The following KCNK10 variants were observed in gnomAD, a reference collection of about 807,000 sequenced individuals.
The protein encoded by KCNK10 is potassium channel subfamily K member 10.
A neutral mutation model predicts 47.7 loss-of-function variants in KCNK10; 25 were observed. That is an observed-to-expected ratio of 0.52 (90% confidence interval 0.38 to 0.73). The LOEUF is 0.73. Among genes scored for constraint, KCNK10 ranks in the 30% least tolerant of loss-of-function variants. KCNK10 has a pLI of 0.00. For synonymous variants in KCNK10, 303 were observed against 285.6 expected (o/e 1.06, Z -0.61); for missense variants, 563 against 714.5 (o/e 0.79, Z 2.42).
chr14:88,276,881 G>A (rs150013912), intron 1 of KCNK10, among the ~76,000 whole-genome samples: 1 of 152,334 alleles, frequency 6.6e-6, no homozygotes, highest in African/African-American at 2.4e-5. Flanking sequence ...ACATCCAAGT[G>A]TACCTCCCTA....
intron 3 of KCNK10, among the ~76,000 whole-genome samples, chr14:88,239,336 G>C (rs1224146425): frequency 6.6e-6 from 1 of 152,160 alleles, no homozygotes; most frequent in East Asian, 1.9e-4. Context: ...GAGATGCTAA[G>C]TTCACTGACT....
chr14:88,290,010 A>G (rs773921458), intron 1 of KCNK10, among the ~76,000 whole-genome samples: 2 of 152,202 alleles, frequency 1.3e-5, no homozygotes, highest in South Asian at 2.1e-4. Flanking sequence ...ACAACTTTTT[A>G]AATAATTGGT....
In KCNK10 at chr14:88,185,389, T is replaced by C. The variant is rs1357504568; in HGVS notation, c.*146A>G. 1.0e-5 allele frequency: 12 copies of C among 1,176,770 alleles called. No homozygotes were observed. Among genetic ancestry groups the C allele is most frequent in the Non-Finnish European group, 1.4e-5 (12 of 859,064 alleles). 72.9% of individuals were successfully genotyped at this position (1,176,770 alleles called of 1,614,324 possible). ...TCCTTTTGGCAGAGCAAGCTTTCAG[T>C]TGTTTATGGCACAGTGAAATATATT... On this transcript the variant is annotated 3_prime_UTR_variant, in exon 7 of 7. Coordinates refer to ENST00000319231, the MANE Select transcript of KCNK10 (RefSeq NM_138317.3). This position sits in a 1 kb window ranked among gnomAD's most constrained non-coding sequence, Gnocchi z 4.3.
In KCNK10 at chr14:88,322,262, C is replaced by T. The variant is rs1391449996; in HGVS notation, c.52+485G>A. ...GCATGCCCTGCGAGAACGGCCCACC[C>T]CTAGGGACGGCTGCTGCAACTCGAG... On this transcript the variant is annotated intron_variant, in intron 1 of 6. Coordinates refer to ENST00000319231, the MANE Select transcript of KCNK10 (RefSeq NM_138317.3). This position sits in a 1 kb window ranked among gnomAD's most constrained non-coding sequence, Gnocchi z 4.8. Among the ~76,000 whole-genome samples, 1 of 152,178 alleles carries T rather than the reference C, an allele frequency of 6.6e-6. No individual in the cohort carries two copies. Among genetic ancestry groups the T allele is most frequent in the African/African-American group, 2.4e-5 (1 of 41,422 alleles).
chr14:88,186,239 C>T lies in KCNK10; in HGVS notation c.1012-84G>A. The stretch of plus-strand genomic sequence containing the variant: ...CCAGCACCCACAGCCCTCGGGTGTC[C>T]CCACGGGGAGGCCAGGAGGTGACGG... On this transcript the variant is annotated intron_variant, in intron 6 of 6. Coordinates refer to ENST00000319231, the MANE Select transcript of KCNK10 (RefSeq NM_138317.3). The surrounding 1 kb of genome is among the most constrained non-coding windows in gnomAD (Gnocchi z 5.5). 3 of 1,452,650 alleles carry T rather than the reference C, an allele frequency of 2.1e-6. No homozygotes were observed. Among genetic ancestry groups the T allele is most frequent in the Non-Finnish European group, 1.8e-6 (2 of 1,094,652 alleles). The allele number at this position is 1,452,650 out of a possible 1,614,324, so 90.0% of individuals were successfully genotyped here. A position where few individuals can be genotyped will look rare whatever the true frequency, so the allele number is the denominator to read the frequency against.
chr14:88,301,497 G>C (rs75158629), intron 1 of KCNK10, among the ~76,000 whole-genome samples: 1 of 151,922 alleles, frequency 6.6e-6, no homozygotes, highest in Non-Finnish European at 1.5e-5. Flanking sequence ...TTAGAGGCAT[G>C]ATGCAGAGAC....
At position 88,259,685 on chromosome 14, in the gene KCNK10, G is replaced by A. The variant is rs370989436; in HGVS notation, c.402+3517C>T. Among the ~76,000 whole-genome samples the A allele has an allele frequency of 2.6e-5, 4 of 152,312 alleles. No individual in the cohort carries two copies. The East Asian group carries it at 7.7e-4, about 29-fold the overall frequency. On this transcript the variant is annotated intron_variant, in intron 2 of 6. Coordinates refer to ENST00000319231, the MANE Select transcript of KCNK10 (RefSeq NM_138317.3). ...TTGTCCAGACTGGTCTCGAACTGCT[G>A]GGCTCAAGCAATCCATCCGCCTTGG...
intron 1 of KCNK10, among the ~76,000 whole-genome samples, chr14:88,287,294 T>A (rs1034385479): frequency 6.6e-6 from 1 of 152,230 alleles, no homozygotes; most frequent in African/African-American, 2.4e-5. Context: ...CCATCAATTA[T>A]CATCAATTAG....
chr14:88,301,652 G>GAAA (rs36032285), intron 1 of KCNK10, among the ~76,000 whole-genome samples: 1,685 of 145,830 alleles, frequency 0.012, 24 homozygotes, highest in East Asian at 0.039. Flanking sequence ...AATCCTAGGA[G>GAAA]AAAAAAAAAA....
chr14:88,246,264 G>GAAAAAAAAAAAA (rs35102974), intron 2 of KCNK10, among the ~76,000 whole-genome samples: 1 of 55,338 alleles, frequency 1.8e-5, no homozygotes, highest in African/African-American at 7.7e-5. Flanking sequence ...CTCCGTCTCA[G>GAAAAAAAAAAAA]AAAAAAAAAA....
chr14:88,248,400 T>C (rs1445208232), intron 2 of KCNK10, among the ~76,000 whole-genome samples: 1 of 152,192 alleles, frequency 6.6e-6, no homozygotes. Context: ...GGGCTCTTTG[T>C]TGCTTTTGAG....
At chr14:88,243,440 T>G (rs1595100953) in intron 2 of KCNK10, among the ~76,000 whole-genome samples, 1 of 152,226 alleles carries the variant, frequency 6.6e-6, no homozygotes, top group African/African-American at 2.4e-5. Context: ...TGGTTTTGCC[T>G]TTCCTCTACC....
chr14:88,241,037 G>A (rs368331382), intron 2 of KCNK10, among the ~76,000 whole-genome samples: 22 of 152,296 alleles, frequency 1.4e-4, no homozygotes, highest in African/African-American at 1.9e-4. Context: ...GGGGGGAAAC[G>A]CTAGGGTATA....
intron 4 of KCNK10, among the ~76,000 whole-genome samples, chr14:88,208,061 C>T (rs914532054): frequency 2.6e-5 from 4 of 152,230 alleles, no homozygotes; most frequent in East Asian, 3.8e-4. Context: ...TCCCCAAACA[C>T]GATCACCAAG....
intron 4 of KCNK10, among the ~76,000 whole-genome samples, chr14:88,220,278 G>T (rs548700886): frequency 6.7e-6 from 1 of 149,990 alleles, no homozygotes; most frequent in South Asian, 2.1e-4. Context: ...TTAGCCGGGC[G>T]TAGTGGCGGG....
intron 1 of KCNK10, among the ~76,000 whole-genome samples, chr14:88,304,831 T>C (rs1369241726): frequency 6.6e-6 from 1 of 152,142 alleles, no homozygotes; most frequent in Non-Finnish European, 1.5e-5. Context: ...TGCTAACAAA[T>C]CAACAGTATA....
intron 5 of KCNK10, 99 bp from the exon 6 acceptor site, chr14:88,188,208 G>A (rs571579648): frequency 1.4e-5 from 19 of 1,373,154 alleles, no homozygotes; most frequent in Middle Eastern, 1.8e-4. Context: ...ATCCATCATT[G>A]TTTAACACTC....
At chr14:88,270,788 A>C in intron 1 of KCNK10, 1 of 781,002 alleles carries the variant, frequency 1.3e-6, no homozygotes. Flanking sequence ...TCCATCCTCC[A>C]TATACCAGCC....
chr14:88,299,962 T>C (rs1888061392), intron 1 of KCNK10, among the ~76,000 whole-genome samples: 1 of 152,094 alleles, frequency 6.6e-6, no homozygotes, highest in Non-Finnish European at 1.5e-5. Flanking sequence ...CTGAATCTGG[T>C]TTTGCTCTCA....
Sources: allele counts gnomAD v4.1 joint callset (sites outside exome capture counted in the v4.1 genomes callset), GRCh38; gene constraint gnomAD v4.1.1; non-coding constraint Gnocchi (gnomAD v3.1); transcripts MANE v1.5; gene names NCBI Gene and HGNC (gene_info 2026-07-23, HGNC 2026-07-21).